Variants in CCNE2 observed in about 807,000 individuals in gnomAD.
CCNE2 encodes the protein cyclin E2.
Under a neutral mutation model 56.8 loss-of-function variants are expected in CCNE2, and 18 were observed. That is an observed-to-expected ratio of 0.32 (90% CI 0.22 to 0.47). The LOEUF is 0.47. CCNE2 is among the 20% of genes least tolerant of loss of function. The pLI is 1.00. For synonymous variants in CCNE2, 139 were observed against 149.2 expected (o/e 0.93, Z 0.50); for missense variants, 371 against 467.1 (o/e 0.79, Z 1.90).
Position 94,882,789 on chromosome 8 carries a change from T to G in CCNE2, c.935A>C (p.Lys312Thr). Residue 312 changes from lysine (K) to threonine (T), a missense_variant, in exon 10 of 12, where the codon AAA (lysine) becomes ACA (threonine). Physicochemically the swap from Lys to Thr is moderately conservative, Grantham distance 78 (BLOSUM62 -1). Transcript: ENST00000308108. ...CHFTSIEVVK[K>T]ASGLEWDSIS... Reference sequence around the variant, plus strand: ...CAAATAGAGAGTCTTACCTGAGGCTTTCTTAACCACTTCAATGGAGGTAAA... The same window carrying G: ...CAAATAGAGAGTCTTACCTGAGGCTGTCTTAACCACTTCAATGGAGGTAAA... The G allele has an allele frequency of 6.2e-7, 1 of 1,610,996 alleles. No homozygotes were observed. Among genetic ancestry groups the G allele is most frequent in the Non-Finnish European group, 8.5e-7 (1 of 1,177,172 alleles).
At chr8:94,888,877 G>A (rs921278837) in intron 6 of CCNE2, among the ~76,000 whole-genome samples, 3 of 152,092 alleles carry the variant, frequency 2.0e-5, no homozygotes, top group African/African-American at 4.8e-5. Flanking sequence ...GGCCGAGTGC[G>A]GTGGCTCACA....
intron 6 of CCNE2, among the ~76,000 whole-genome samples, chr8:94,888,808 G>A (rs1387381115): frequency 6.6e-6 from 1 of 152,168 alleles, no homozygotes; most frequent in African/African-American, 2.4e-5. Context: ...TTACAGGTAT[G>A]AGCCATCACA....
At chr8:94,893,639 G>A in intron 4 of CCNE2, 1 of 519,430 alleles carries the variant, frequency 1.9e-6, no homozygotes, top group South Asian at 2.5e-5. Context: ...GGGCCCTGGT[G>A]CACCAGGCAG....
intron 1 of CCNE2, 80 bp from the exon 2 acceptor site, chr8:94,894,327 A>G (rs1586560134): frequency 7.1e-7 from 1 of 1,408,338 alleles, no homozygotes; most frequent in East Asian, 2.3e-5. Context: ...GCTGATTCGC[A>G]GGTGAAAGCT....
At chr8:94,885,024 GTAAT>G (rs959115581) in intron 9 of CCNE2, 39 bp downstream of exon 9, 1 of 1,572,730 alleles carries the variant, frequency 6.4e-7, no homozygotes, top group African/African-American at 1.4e-5. Flanking sequence ...ACTAAAACCT[GTAAT>G]TAATAACATT....
chr8:94,886,340 A>G (rs543134462), intron 7 of CCNE2, among the ~76,000 whole-genome samples: 2 of 152,318 alleles, frequency 1.3e-5, no homozygotes, highest in South Asian at 4.1e-4. Context: ...TACAACTAGA[A>G]TATGTCATTT....
At chr8:94,884,964 T>C in intron 9 of CCNE2, 103 bp downstream of exon 9, 1 of 972,106 alleles carries the variant, frequency 1.0e-6, no homozygotes, top group Non-Finnish European at 1.5e-6. Context: ...AATTAAGGAG[T>C]GAAGTCAATA....
chr8:94,881,728 T>A lies in CCNE2; in HGVS notation c.1119A>T (p.Ile373=). The A allele has an allele frequency of 6.2e-7, 1 of 1,613,878 alleles. No homozygotes were observed. Residue 373 remains isoleucine, a synonymous_variant, in exon 12 of 12, where the codon ATA becomes ATT. Transcript: ENST00000308108. ...YLAMLEEVNY[I]NTFRKGGQLS... is the part of the protein sequence containing the mutation. ...ACTGTCCCCCTTTTCTGAAGGTGTT[T>A]ATGTAATTTACTTCCTCCTATACAT...
At chr8:94,884,018 A>G (rs1203648480) in intron 9 of CCNE2, 3 of 407,610 alleles carry the variant, frequency 7.4e-6, no homozygotes, top group African/African-American at 6.1e-5. Flanking sequence ...TCAGAAGGGT[A>G]TAGCTGCCTA....
Position 94,894,399 on chromosome 8 carries a change from G to A in CCNE2, c.-26-152C>T, listed in dbSNP as rs1817379280. On this transcript the variant is annotated intron_variant, in intron 1 of 11. Coordinates refer to ENST00000308108, the MANE Select transcript of CCNE2 (RefSeq NM_057749.3). ...GCCATCTTCTGTGCTATGTTAGCTA[G>A]CTCATGGTAATTCATTTTGGATACA... is the stretch of plus-strand genomic sequence containing the variant. 5 of 673,666 alleles carry A rather than the reference G, an allele frequency of 7.4e-6. No individual in the cohort carries two copies. In the Admixed American group the frequency reaches 8.1e-5, roughly 11 times the overall value. The allele number at this position is 673,666 out of a possible 1,614,324, so 41.7% of individuals were successfully genotyped here.
chr8:94,885,564 A>C lies in CCNE2; in HGVS notation c.601-6T>G. On this transcript the variant is annotated splice_polypyrimidine_tract_variant and splice_region_variant and intron_variant, in intron 7 of 11. Transcript: ENST00000308108. The stretch of plus-strand genomic sequence containing the variant: ...AGTTTAGGAGCATAGATTTCCTTTA[A>C]ATTGTAATATTTTTATTGAGTACAA... 6.5e-7 allele frequency: 1 copy of C among 1,539,212 alleles called. No homozygotes were observed. Among genetic ancestry groups the C allele is most frequent in the South Asian group, 1.2e-5 (1 of 86,194 alleles).
intron 11 of CCNE2, 106 bp from the exon 12 acceptor site, chr8:94,881,851 T>A: frequency 2.2e-6 from 3 of 1,382,598 alleles, no homozygotes; most frequent in Non-Finnish European, 3.0e-6. Flanking sequence ...AGTCTTTTTA[T>A]GTCTTTGCAA....
At position 94,882,166 on chromosome 8, in the gene CCNE2, T is replaced by C; in HGVS notation, c.1067A>G (p.Asn356Ser). Residue 356 changes from asparagine (N) to serine (S), a missense_variant, in exon 11 of 12, where the codon AAT becomes AGT. Coordinates refer to ENST00000308108, the MANE Select transcript of CCNE2 (RefSeq NM_057749.3). ...FKKIPMEDRHNIQTHTNYLAM... is the reference protein window; with the variant it reads ...FKKIPMEDRHSIQTHTNYLAM... ...CAAATAGTTTGTATGTGTCTGGATATTATGTCTGTCTTCCATAGGAATCTT... is the reference window on the plus strand; with the variant it reads ...CAAATAGTTTGTATGTGTCTGGATACTATGTCTGTCTTCCATAGGAATCTT... 6.2e-7 allele frequency: 1 copy of C among 1,613,134 alleles called. No individual in the cohort carries two copies. The highest frequency in any genetic ancestry group is 8.5e-7 in the Non-Finnish European group (1 of 1,179,660).
chr8:94,884,082 A>G (rs1370805530), intron 9 of CCNE2, among the ~76,000 whole-genome samples: 1 of 152,210 alleles, frequency 6.6e-6, no homozygotes, highest in Non-Finnish European at 1.5e-5. Flanking sequence ...TTTTAATAAA[A>G]AGTTTTATAA....
At chr8:94,891,295 T>C in intron 5 of CCNE2, 1 of 218,092 alleles carries the variant, frequency 4.6e-6, no homozygotes, top group Non-Finnish European at 9.7e-6. Context: ...AATCAAGAGG[T>C]TCAAATCTTT....
chr8:94,880,565 C>T lies in CCNE2; in HGVS notation c.*1067G>A, dbSNP rs1185757900. 6.3e-6 allele frequency: 2 copies of T among 317,658 alleles called. No homozygotes were observed. Among genetic ancestry groups the T allele is most frequent in the African/African-American group, 4.3e-5 (2 of 46,952 alleles). 19.7% of individuals were successfully genotyped at this position (317,658 alleles called of 1,614,324 possible). On this transcript the variant is annotated 3_prime_UTR_variant, in exon 12 of 12. Coordinates refer to ENST00000308108, the MANE Select transcript of CCNE2 (RefSeq NM_057749.3). ...TTAGAAATAGCTAGCCTATGTACAG[C>T]AAGTTTTCATGTCTTTTTTTAATAA...
In CCNE2 at chr8:94,881,220, T is replaced by TAACA. The variant is rs1243508270; in HGVS notation, c.*408_*411dup. The TAACA allele has an allele frequency of 1.1e-5, 4 of 367,196 alleles. No homozygotes were observed. In the Admixed American group the frequency reaches 1.4e-4, roughly 13 times the overall value. The allele number at this position is 367,196 out of a possible 1,614,324, so 22.7% of individuals were successfully genotyped here. A position where few individuals can be genotyped will look rare whatever the true frequency, so the allele number is the denominator to read the frequency against. On this transcript the variant is annotated 3_prime_UTR_variant, in exon 12 of 12. Transcript: ENST00000308108. ...CAAGAGTGTAGGAATTTTGAGAATC[T>TAACA]AACAACTAGATTCAAAGTACTGTAT... is the stretch of plus-strand genomic sequence containing the variant.
intron 6 of CCNE2, among the ~76,000 whole-genome samples, chr8:94,888,649 T>C (rs1040665254): frequency 4.0e-5 from 6 of 151,838 alleles, no homozygotes; most frequent in African/African-American, 1.4e-4. Flanking sequence ...CTCAGCCTCC[T>C]GAGTAGCTGA....
chr8:94,891,991 G>A (rs143194042), intron 5 of CCNE2: 471 of 910,780 alleles, frequency 5.2e-4, no homozygotes, highest in Non-Finnish European at 6.6e-4. Flanking sequence ...CTGCCACATC[G>A]AAATGATCTT....
Sources: allele counts gnomAD v4.1 joint callset (sites outside exome capture counted in the v4.1 genomes callset), GRCh38; gene constraint gnomAD v4.1.1; transcripts MANE v1.5; gene names NCBI Gene and HGNC (gene_info 2026-07-23, HGNC 2026-07-21).